Variants in KATNIP observed in about 807,000 individuals in gnomAD.
KATNIP encodes the protein katanin-interacting protein.
In KATNIP, 126 loss-of-function variants were observed where a neutral mutation model predicts 174.0. The ratio of observed to expected loss-of-function variants is 0.72; its 90% CI spans 0.63 to 0.84. The LOEUF is 0.84. KATNIP is among the 40% of genes least tolerant of loss of function. The pLI, the probability that KATNIP is intolerant of heterozygous loss-of-function variation, is 0.00. For missense variants in KATNIP, 1,958 were observed against 2,109.7 expected (o/e 0.93, Z 1.41); for synonymous variants, 810 against 835.7 (o/e 0.97, Z 0.53).
chr16:27,659,465 G>A (rs76772777), intron 6 of KATNIP, among the ~76,000 whole-genome samples: 1,834 of 149,750 alleles, frequency 0.012, 50 homozygotes, highest in African/African-American at 0.043. Flanking sequence ...AGCCATGATC[G>A]CACCACTACC....
chr16:27,711,961 G>A (rs570254721), intron 13 of KATNIP, among the ~76,000 whole-genome samples: 1 of 152,260 alleles, frequency 6.6e-6, no homozygotes, highest in Admixed American at 6.5e-5. Flanking sequence ...GCTTGCTGCT[G>A]GGACTTGGCC....
In KATNIP at chr16:27,698,501, G is replaced by C; in HGVS notation, c.1113+1G>C. The C allele has an allele frequency of 6.2e-7, 1 of 1,604,622 alleles. No homozygotes were observed. The highest frequency in any genetic ancestry group is 2.0e-4 in the Middle Eastern group (1 of 5,110). ...CGAGCAGCCAGCCAGCCCACTGCAG[G>C]TGCGCTCCGGGCTGGGAGAGGAACC... On this transcript the variant is annotated splice_donor_variant, in intron 9 of 27. Transcript: ENST00000261588. LOFTEE classifies it high-confidence loss of function.
chr16:27,554,592 G>A (rs2089530647), intron 1 of KATNIP, among the ~76,000 whole-genome samples: 1 of 152,144 alleles, frequency 6.6e-6, no homozygotes, highest in South Asian at 2.1e-4. Flanking sequence ...TTTTCAGGAA[G>A]GCTGCTTTGT....
At chr16:27,700,434 G>T (rs1044831523) in intron 10 of KATNIP, among the ~76,000 whole-genome samples, 1 of 152,138 alleles carries the variant, frequency 6.6e-6, no homozygotes, top group African/African-American at 2.4e-5. Context: ...AGACAGATGA[G>T]CCCCAGCCCC....
At chr16:27,626,629 T>A (rs191641979) in intron 3 of KATNIP, among the ~76,000 whole-genome samples, 2 of 152,282 alleles carry the variant, frequency 1.3e-5, no homozygotes, top group Admixed American at 1.3e-4. Context: ...TTTCTATGCC[T>A]TATACTCCTT....
rs996513651 is a variant in KATNIP at position 27,780,236 on chromosome 16, G to T, written c.*1607G>T. 1 of 152,130 alleles carries T rather than the reference G, an allele frequency of 6.6e-6. No homozygotes were observed. Among genetic ancestry groups the T allele is most frequent in the Non-Finnish European group, 1.5e-5 (1 of 68,040 alleles). The allele number at this position is 152,130 out of a possible 1,614,324, so 9.4% of individuals were successfully genotyped here. ...ACGACACAAGCTCACTCCCAGAACC[G>T]CAGCTGATGTTTATAATAATCGTAT... is the stretch of plus-strand genomic sequence containing the variant. On this transcript the variant is annotated 3_prime_UTR_variant, in exon 28 of 28. Transcript: ENST00000261588.
At chr16:27,729,767 C>T (rs1351486314) in intron 14 of KATNIP, among the ~76,000 whole-genome samples, 1 of 152,222 alleles carries the variant, frequency 6.6e-6, no homozygotes, top group Non-Finnish European at 1.5e-5. Context: ...GCGCCAGCTC[C>T]TGGCTCACAA....
intron 4 of KATNIP, 60 bp from the exon 5 acceptor site, chr16:27,631,005 C>A: frequency 7.4e-7 from 1 of 1,357,492 alleles, no homozygotes; most frequent in Non-Finnish European, 1.0e-6. Context: ...CAAACCAACC[C>A]AGTACTGTGA....
intron 6 of KATNIP, among the ~76,000 whole-genome samples, chr16:27,657,616 C>CAA (rs201172653): frequency 1.4e-5 from 2 of 145,750 alleles, no homozygotes; most frequent in African/African-American, 5.0e-5. Flanking sequence ...ACAAAACAAA[C>CAA]AAAAAAAAAA....
chr16:27,690,721 G>T (rs922155241), intron 8 of KATNIP, among the ~76,000 whole-genome samples: 3 of 152,142 alleles, frequency 2.0e-5, no homozygotes, highest in African/African-American at 7.2e-5. Context: ...CATTTCCCTG[G>T]ACTTTTTGCC....
intron 18 of KATNIP, among the ~76,000 whole-genome samples, chr16:27,758,757 C>G (rs1274552364): frequency 6.6e-6 from 1 of 152,212 alleles, no homozygotes; most frequent in Non-Finnish European, 1.5e-5. Flanking sequence ...GTCACCTCCT[C>G]AGGGAGGCCC....
chr16:27,724,712 G>T (rs1294630965), intron 14 of KATNIP, among the ~76,000 whole-genome samples: 1 of 152,190 alleles, frequency 6.6e-6, no homozygotes, highest in Non-Finnish European at 1.5e-5. Context: ...GCAGCTGCAG[G>T]TTGGTTTGAT....
intron 5 of KATNIP, among the ~76,000 whole-genome samples, chr16:27,640,863 C>T (rs954735487): frequency 2.6e-5 from 4 of 152,014 alleles, no homozygotes; most frequent in African/African-American, 9.6e-5. Flanking sequence ...AGGCCGGGCG[C>T]GGAGGCTCAC....
In KATNIP at chr16:27,751,906, C is replaced by T. The variant is rs752670930; in HGVS notation, c.3534C>T (p.Gly1178=). 1.9e-6 allele frequency: 3 copies of T among 1,610,416 alleles called. No individual in the cohort carries two copies. The East Asian group carries it at 6.7e-5, about 36-fold the overall frequency. ...ATGAGCGGCCCTTCACCCAGGCTGGCTTGGGGGCTGATGAACGGGTAGGAC... is the reference window on the plus strand; with the variant it reads ...ATGAGCGGCCCTTCACCCAGGCTGGTTTGGGGGCTGATGAACGGGTAGGAC... ...EGDERPFTQA[G]LGADERIPEL... Residue 1178 remains glycine (G), a synonymous_variant, in exon 17 of 28, where the codon GGC becomes GGT. Coordinates refer to ENST00000261588, the MANE Select transcript of KATNIP (RefSeq NM_015202.5).
intron 14 of KATNIP, among the ~76,000 whole-genome samples, chr16:27,723,233 C>A (rs1011938929): frequency 5.9e-5 from 9 of 152,168 alleles, no homozygotes; most frequent in African/African-American, 2.2e-4. Flanking sequence ...TTCCCCTTGG[C>A]CCAGAGGATC....
intron 5 of KATNIP, among the ~76,000 whole-genome samples, chr16:27,633,397 A>T (rs1438534469): frequency 2.0e-5 from 3 of 148,572 alleles, no homozygotes; most frequent in African/African-American, 7.4e-5. Context: ...TTTTTGTACT[A>T]TATTTTTTAT....
chr16:27,621,188 T>C lies in KATNIP; in HGVS notation c.140+2687T>C, dbSNP rs149561422. Among the ~76,000 whole-genome samples the C allele has an allele frequency of 7.2e-3, 1,090 of 151,860 alleles. 20 individuals carry two copies. Among genetic ancestry groups the C allele is most frequent in the African/African-American group, 0.025 (1,030 of 41,382 alleles). On this transcript the variant is annotated intron_variant, in intron 3 of 27. Coordinates refer to ENST00000261588, the MANE Select transcript of KATNIP (RefSeq NM_015202.5). Reference sequence around the variant, plus strand: ...CTACTCACTACTTAGGAGGCTGAGGTGGGAGGATCACTTGAGTCTAGGAAT... The same window carrying C: ...CTACTCACTACTTAGGAGGCTGAGGCGGGAGGATCACTTGAGTCTAGGAAT...
intron 6 of KATNIP, among the ~76,000 whole-genome samples, chr16:27,660,217 C>G (rs1287046357): frequency 6.6e-6 from 1 of 152,128 alleles, no homozygotes; most frequent in African/African-American, 2.4e-5. Context: ...ATCGTAAATC[C>G]TAGGTATGGT....
intron 3 of KATNIP, among the ~76,000 whole-genome samples, chr16:27,628,009 T>C (rs567333034): frequency 6.6e-6 from 1 of 152,340 alleles, no homozygotes; most frequent in African/African-American, 2.4e-5. Flanking sequence ...TCCTGCCTTT[T>C]AGCCAAAAGA....
Sources: gnomAD v4.1 joint callset for allele counts (sites outside exome capture counted in the v4.1 genomes callset) on GRCh38, gnomAD v4.1.1 for gene constraint, MANE v1.5 for transcripts, NCBI Gene and HGNC (gene_info 2026-07-23, HGNC 2026-07-21) for gene names.